Variants in SPAM1 observed in about 807,000 individuals in gnomAD.
SPAM1 encodes the protein hyaluronidase PH-20.
Under a neutral mutation model 29.6 loss-of-function variants are expected in SPAM1, and 22 were observed. The observed-to-expected ratio is 0.74, with a 90% CI of 0.53 to 1.06. SPAM1 has a LOEUF of 1.06. Ranked by LOEUF, SPAM1 falls within the 50% of genes least tolerant of loss-of-function variation. The pLI, the probability that SPAM1 is intolerant of heterozygous loss-of-function variation, is 0.00. For synonymous variants in SPAM1, 194 were observed against 204.6 expected, an observed-to-expected ratio of 0.95 and a Z score of 0.44; for missense variants, 534 against 604.0, an observed-to-expected ratio of 0.88 and a Z score of 1.21.
chr7:123,939,336 C>T (rs376290050), intron 1 of SPAM1, among the ~76,000 whole-genome samples: 87 of 152,212 alleles, frequency 5.7e-4, no homozygotes, highest in African/African-American at 2.0e-3. Context: ...CTGCCCGCCT[C>T]GGCCTTCCTA....
intron 1 of SPAM1, among the ~76,000 whole-genome samples, chr7:123,940,175 C>T (rs1232131898): frequency 6.6e-6 from 1 of 151,832 alleles, no homozygotes; most frequent in Non-Finnish European, 1.5e-5. Context: ...AAAGTGTCAC[C>T]ATTGGTCATA....
At chr7:123,938,560 A>C (rs975160886) in intron 1 of SPAM1, among the ~76,000 whole-genome samples, 1 of 152,174 alleles carries the variant, frequency 6.6e-6, no homozygotes, top group Admixed American at 6.5e-5. Flanking sequence ...AATTGATGTG[A>C]TTGGGTCCCT....
At chr7:123,931,904 T>G (rs531249567) in intron 1 of SPAM1, among the ~76,000 whole-genome samples, 1 of 152,154 alleles carries the variant, frequency 6.6e-6, no homozygotes, top group Non-Finnish European at 1.5e-5. Flanking sequence ...CACAGCAAAG[T>G]TTGTCCAAAC....
chr7:123,931,654 T>G (rs1161763588), intron 1 of SPAM1, among the ~76,000 whole-genome samples: 1 of 152,222 alleles, frequency 6.6e-6, no homozygotes, highest in African/African-American at 2.4e-5. Context: ...TATATACACA[T>G]TGAATAGACT....
chr7:123,957,209 T>A (rs968468302), intron 4 of SPAM1, among the ~76,000 whole-genome samples: 2 of 151,982 alleles, frequency 1.3e-5, no homozygotes, highest in East Asian at 3.9e-4. Flanking sequence ...GTAAGTGCTA[T>A]ACAGAGAATT....
At chr7:123,958,992 A>G (rs1323035488) in intron 4 of SPAM1, among the ~76,000 whole-genome samples, 2 of 152,018 alleles carry the variant, frequency 1.3e-5, no homozygotes, top group Non-Finnish European at 2.9e-5. Flanking sequence ...GGTAGGCATC[A>G]TAATTATCCT....
At chr7:123,944,900 A>G (rs1808528698) in intron 1 of SPAM1, among the ~76,000 whole-genome samples, 1 of 152,196 alleles carries the variant, frequency 6.6e-6, no homozygotes, top group Non-Finnish European at 1.5e-5. Context: ...AGAGTAAAGC[A>G]ATACCTTAAG....
At chr7:123,970,329 T>C in intron 6 of SPAM1, 1 of 1,486,224 alleles carries the variant, frequency 6.7e-7, no homozygotes, top group East Asian at 2.5e-5. Flanking sequence ...TTCCATATGT[T>C]TCTGTCTGTG....
At chr7:123,963,498 TA>T (rs1291840831), downstream of SPAM1, among the ~76,000 whole-genome samples, 1 of 151,866 alleles carries the variant, frequency 6.6e-6, no homozygotes, top group Non-Finnish European at 1.5e-5. Flanking sequence ...TTAAAAAGGA[TA>T]TTTTTTATCT....
downstream of SPAM1, among the ~76,000 whole-genome samples, chr7:123,963,121 G>A (rs1792382172): frequency 6.6e-6 from 1 of 151,816 alleles, no homozygotes; most frequent in Non-Finnish European, 1.5e-5. Flanking sequence ...AAATGGAATT[G>A]CTGATGTGAA....
chr7:123,970,140 T>C, intron 5 of SPAM1: 1 of 1,530,468 alleles, frequency 6.5e-7, no homozygotes, highest in Admixed American at 2.0e-5. Context: ...TATAACAAAG[T>C]GCCACAGACT....
At chr7:123,931,334 C>G (rs1434110870) in intron 1 of SPAM1, among the ~76,000 whole-genome samples, 1 of 152,194 alleles carries the variant, frequency 6.6e-6, no homozygotes, top group East Asian at 1.9e-4. Flanking sequence ...AACTTTCCCT[C>G]TGCCTTTCTA....
intron 1 of SPAM1, 179 bp downstream of exon 1, chr7:123,925,531 TGTGA>T (rs1807850223): frequency 6.6e-6 from 1 of 152,190 alleles, no homozygotes; most frequent in Non-Finnish European, 1.5e-5. Flanking sequence ...CCAGAGATTT[TGTGA>T]GTGAGTGGTT....
intron 6 of SPAM1, among the ~76,000 whole-genome samples, chr7:123,970,608 A>AATAATAATAATAATTATT (rs376690940): frequency 1.0e-4 from 15 of 147,260 alleles, no homozygotes; most frequent in African/African-American, 3.5e-4. Flanking sequence ...TAATAATAAT[A>AATAATAATAATAATTATT]ATTATTATTA....
At chr7:123,926,291 C>T (rs34931184) in intron 1 of SPAM1, among the ~76,000 whole-genome samples, 20,286 of 152,148 alleles carry the variant, frequency 0.13, 1,633 homozygotes, top group Non-Finnish European at 0.18. Flanking sequence ...TGCTTTTCCC[C>T]TTTAAATACC....
chr7:123,928,939 G>A (rs1348465122), intron 1 of SPAM1, among the ~76,000 whole-genome samples: 1 of 152,076 alleles, frequency 6.6e-6, no homozygotes, highest in Non-Finnish European at 1.5e-5. Context: ...AATTTGCAAA[G>A]CAAGGACAAT....
At chr7:123,928,074 T>G (rs928474126) in intron 1 of SPAM1, among the ~76,000 whole-genome samples, 5 of 152,090 alleles carry the variant, frequency 3.3e-5, no homozygotes, top group Non-Finnish European at 5.9e-5. Flanking sequence ...TAAATCAAAT[T>G]TTACTTTTAT....
At chr7:123,944,865 A>G (rs1280025127) in intron 1 of SPAM1, among the ~76,000 whole-genome samples, 2 of 152,196 alleles carry the variant, frequency 1.3e-5, no homozygotes, top group African/African-American at 4.8e-5. Flanking sequence ...GCATAAAAAA[A>G]TTATAAAGTC....
chr7:123,929,934 C>A (rs545667745), intron 1 of SPAM1, among the ~76,000 whole-genome samples: 29 of 127,288 alleles, frequency 2.3e-4, no homozygotes, highest in Non-Finnish European at 3.9e-4. Context: ...AGAGGAGCTT[C>A]AGGGATTAAA....
Sources: gnomAD v4.1 joint callset for allele counts (sites outside exome capture counted in the v4.1 genomes callset) on GRCh38, gnomAD v4.1.1 for gene constraint, MANE v1.5 for transcripts, NCBI Gene and HGNC (gene_info 2026-07-23, HGNC 2026-07-21) for gene names.